The following IFT74 variants were observed in gnomAD, a reference collection of about 807,000 sequenced individuals.
IFT74 encodes intraflagellar transport 74, also known as intraflagellar transport protein 74 homolog.
A neutral mutation model predicts 96.7 loss-of-function variants in IFT74; 92 were observed. The observed-to-expected ratio is 0.95, with a 90% CI of 0.80 to 1.13. The LOEUF (loss-of-function observed/expected upper bound fraction) is 1.13. Ranked by LOEUF, IFT74 falls within the 50% of genes most tolerant of loss-of-function variation. The probability of loss-of-function intolerance (pLI) is 0.00; values close to 1 mark genes in which losing one functional copy is unlikely to be tolerated. For synonymous variants in IFT74, 223 were observed against 213.2 expected, an observed-to-expected ratio of 1.05 and a Z score of -0.40; for missense variants, 811 against 698.2, an observed-to-expected ratio of 1.16 and a Z score of -1.82.
chr9:27,012,745 A>T (rs1298478502), intron 10 of IFT74, among the ~76,000 whole-genome samples: 1 of 107,884 alleles, frequency 9.3e-6, no homozygotes, highest in Non-Finnish European at 1.7e-5. Flanking sequence ...TAGACAGAGT[A>T]TCGCTCTGTT....
intron 8 of IFT74, chr9:27,005,706 C>T (rs1338634071): frequency 6.6e-6 from 1 of 151,506 alleles, no homozygotes; most frequent in Non-Finnish European, 1.5e-5. Flanking sequence ...CCTTTGTACC[C>T]AGTGAACAGG....
intron 10 of IFT74, among the ~76,000 whole-genome samples, chr9:27,014,904 GC>G (rs1387023015): frequency 6.6e-6 from 1 of 152,234 alleles, no homozygotes; most frequent in Non-Finnish European, 1.5e-5. Context: ...ATCACGCCCA[GC>G]CCAGATTTCT....
chr9:26,962,657 A>G (rs1317472546), intron 2 of IFT74, among the ~76,000 whole-genome samples: 1 of 152,246 alleles, frequency 6.6e-6, no homozygotes, highest in Non-Finnish European at 1.5e-5. Flanking sequence ...AATTCTACAT[A>G]GCTTAGAAAC....
upstream of IFT74, among the ~76,000 whole-genome samples, chr9:26,953,336 T>C (rs1225278974): frequency 6.6e-6 from 1 of 152,262 alleles, no homozygotes; most frequent in African/African-American, 2.4e-5. Flanking sequence ...GACTATAGCA[T>C]TATTAATTCA....
At chr9:26,956,542 T>TCCTC (rs1402703951) in intron 1 of IFT74, 26 bp downstream of exon 1, 2 of 152,290 alleles carry the variant, frequency 1.3e-5, no homozygotes, top group Non-Finnish European at 2.9e-5. Flanking sequence ...TCCCATCTCT[T>TCCTC]CCTCCCTCCC....
At chr9:27,019,595 C>G (rs1333685329) in intron 12 of IFT74, among the ~76,000 whole-genome samples, 3 of 150,804 alleles carry the variant, frequency 2.0e-5, no homozygotes, top group Non-Finnish European at 4.4e-5. Flanking sequence ...TTTATTAATA[C>G]TAATACATGC....
intron 8 of IFT74, among the ~76,000 whole-genome samples, chr9:27,005,373 A>C (rs1353900737): frequency 1.2e-5 from 1 of 80,620 alleles, no homozygotes; most frequent in Non-Finnish European, 2.2e-5. Flanking sequence ...CCCCCGCAAA[A>C]CAATTACTTA....
At chr9:27,060,705 T>G in intron 19 of IFT74, 54 bp downstream of exon 19, 2 of 1,320,752 alleles carry the variant, frequency 1.5e-6, no homozygotes, top group Non-Finnish European at 2.1e-6. Context: ...ATGCCTATAG[T>G]CCCAACACTT....
In IFT74 at chr9:26,968,781, A is replaced by T. The variant is rs936404723; in HGVS notation, c.120+6694A>T. 2.7e-5 allele frequency among the ~76,000 whole-genome samples: 4 copies of T among 149,956 alleles called. No homozygotes were observed. In the Admixed American group the frequency reaches 2.7e-4, roughly 10 times the overall value. Reference sequence around the variant, plus strand: ...TATCTTCTTTTTTTCATTTCTGATTATATTTATTTGAGTCTTCCCTCTTTT... The same window carrying T: ...TATCTTCTTTTTTTCATTTCTGATTTTATTTATTTGAGTCTTCCCTCTTTT... On this transcript the variant is annotated intron_variant, in intron 2 of 19. Coordinates refer to ENST00000380062, the MANE Select transcript of IFT74 (RefSeq NM_025103.4).
chr9:27,042,996 T>A (rs145572708), intron 13 of IFT74, among the ~76,000 whole-genome samples: 1 of 152,244 alleles, frequency 6.6e-6, no homozygotes, highest in African/African-American at 2.4e-5. Context: ...AAAGTTTGTT[T>A]AATAACAGAG....
rs991357401 is a variant in IFT74, at chr9:26,999,530, T to C, written c.587+9335T>C. On this transcript the variant is annotated intron_variant, in intron 8 of 19. Transcript: ENST00000380062. Reference sequence around the variant, plus strand: ...TTAGTAGGTCAGATTTTCTTTGCTTTCTTATTGCCCTTTTATATTTTACTA... The same window carrying C: ...TTAGTAGGTCAGATTTTCTTTGCTTCCTTATTGCCCTTTTATATTTTACTA... The C allele has an allele frequency of 3.9e-6, 4 of 1,017,238 alleles. No individual in the cohort carries two copies. The African/African-American group carries it at 6.7e-5, about 17-fold the overall frequency. The allele number at this position is 1,017,238 out of a possible 1,614,324, so 63.0% of individuals were successfully genotyped here.
chr9:26,986,398 C>A (rs1403849676), intron 6 of IFT74, among the ~76,000 whole-genome samples: 2 of 151,528 alleles, frequency 1.3e-5, no homozygotes, highest in African/African-American at 4.9e-5. Flanking sequence ...TCGCTGCAGC[C>A]TAGACTTTCT....
At chr9:26,952,744 A>T (rs192814298), upstream of IFT74, among the ~76,000 whole-genome samples, 80 of 152,328 alleles carry the variant, frequency 5.3e-4, no homozygotes, top group Non-Finnish European at 8.2e-4. Context: ...AGAAAATGTT[A>T]ACATTGAATA....
At chr9:26,961,083 G>GT (rs1349288699) in intron 1 of IFT74, among the ~76,000 whole-genome samples, 9,541 of 118,464 alleles carry the variant, frequency 0.081, 458 homozygotes, top group Middle Eastern at 0.17. Flanking sequence ...AGTGAATCTT[G>GT]TTTTTTTTTT....
At position 27,029,027 on chromosome 9, in the gene IFT74, T is replaced by C. The variant is rs753977169; in HGVS notation, c.977T>C (p.Leu326Ser). Residue 326 changes from leucine to serine, a missense_variant and splice_region_variant, in exon 13 of 20, where the codon TTA becomes TCA. Physicochemically the swap from Leu to Ser is moderately radical, Grantham distance 145 (BLOSUM62 -2). Coordinates refer to ENST00000380062, the MANE Select transcript of IFT74 (RefSeq NM_025103.4). The part of the protein sequence containing the change: ...NQEIASMERQ[L>S]TDTKEKINQF... ...TTCATTAAAAATATTTTCAACAGGT[T>C]AACAGATACAAAAGAAAAGATAAAT... 7.5e-6 allele frequency: 12 copies of C among 1,589,794 alleles called. No homozygotes were observed. The East Asian group carries it at 2.0e-4, about 27-fold the overall frequency.
At chr9:27,057,823 A>G (rs1820235076) in intron 18 of IFT74, among the ~76,000 whole-genome samples, 1 of 151,888 alleles carries the variant, frequency 6.6e-6, no homozygotes, top group Non-Finnish European at 1.5e-5. Context: ...GCGCCACTGC[A>G]CTCCAGCCTG....
rs764366835 is a variant in IFT74, at chr9:27,055,616, A to G, written c.1341A>G (p.Gln447=). ...STAQNLTSDI[Q]RLQLDLQKME... is the part of the protein sequence containing the mutation. ...TAAATTCTTATGTTTCAGACATTCA[A>G]CGTCTGCAGTTGGATCTGCAGAAAA... Residue 447 remains glutamine (Q), a synonymous_variant, in exon 17 of 20, where the codon CAA becomes CAG. Transcript: ENST00000380062. 68 of 1,574,078 alleles carry G rather than the reference A, an allele frequency of 4.3e-5. No individual in the cohort carries two copies. Among genetic ancestry groups the G allele is most frequent in the Middle Eastern group, 1.7e-4 (1 of 5,912 alleles).
Position 26,986,380 on chromosome 9 carries a change from A to G in IFT74, c.465+1821A>G, listed in dbSNP as rs531758550. On this transcript the variant is annotated intron_variant, in intron 6 of 19. Transcript: ENST00000380062. ...GCCCAAGCTGGAATGCAGTGGCTCAATCATGGCTCGCTGCAGCCTAGACTT... is the reference window on the plus strand; with the variant it reads ...GCCCAAGCTGGAATGCAGTGGCTCAGTCATGGCTCGCTGCAGCCTAGACTT... Among the ~76,000 whole-genome samples the G allele has an allele frequency of 1.8e-4, 28 of 151,810 alleles. No individual in the cohort carries two copies. The South Asian group carries it at 5.4e-3, about 29-fold the overall frequency.
intron 13 of IFT74, chr9:27,036,512 T>G (rs1819196555): frequency 6.2e-7 from 1 of 1,613,662 alleles, no homozygotes; most frequent in Admixed American, 1.7e-5. Flanking sequence ...AAAGCAAGTT[T>G]GAACCTGCCA....
Sources: gnomAD v4.1 joint callset for allele counts (sites outside exome capture counted in the v4.1 genomes callset) on GRCh38, gnomAD v4.1.1 for gene constraint, MANE v1.5 for transcripts, NCBI Gene and HGNC (gene_info 2026-07-23, HGNC 2026-07-21) for gene names.